Variants in FSTL4 observed in about 807,000 individuals in gnomAD.
The protein encoded by FSTL4 is follistatin like 4, also known as follistatin-related protein 4.
Under a neutral mutation model 78.2 loss-of-function variants are expected in FSTL4, and 28 were observed. The ratio of observed to expected loss-of-function variants is 0.36; its 90% CI spans 0.27 to 0.49. The LOEUF (loss-of-function observed/expected upper bound fraction) is 0.49. Among genes scored for constraint, FSTL4 ranks in the 20% least tolerant of loss-of-function variants. The probability of loss-of-function intolerance (pLI) is 0.98; values close to 1 mark genes in which losing one functional copy is unlikely to be tolerated. For missense variants in FSTL4, 922 were observed against 1,084.9 expected (o/e 0.85, Z 2.11); for synonymous variants, 422 against 440.5 (o/e 0.96, Z 0.53).
intron 3 of FSTL4, among the ~76,000 whole-genome samples, chr5:133,410,962 G>C (rs1206533038): frequency 6.6e-6 from 1 of 152,194 alleles, no homozygotes; most frequent in Non-Finnish European, 1.5e-5. Context: ...CAGTGGCTGA[G>C]GCCTCTGACA....
chr5:133,563,607 T>G (rs1252358420), intron 3 of FSTL4, among the ~76,000 whole-genome samples: 1 of 152,240 alleles, frequency 6.6e-6, no homozygotes, highest in African/African-American at 2.4e-5. Flanking sequence ...GTTCTGTACA[T>G]GCACAGCCCA....
chr5:133,507,002 G>C (rs1758623992), intron 3 of FSTL4, among the ~76,000 whole-genome samples: 1 of 152,186 alleles, frequency 6.6e-6, no homozygotes, highest in African/African-American at 2.4e-5. Flanking sequence ...GAGGTCAGGA[G>C]TTCCAGACCA....
At chr5:133,330,508 A>AG (rs1223447185) in intron 4 of FSTL4, among the ~76,000 whole-genome samples, 1 of 152,200 alleles carries the variant, frequency 6.6e-6, no homozygotes, top group Non-Finnish European at 1.5e-5. Context: ...GACAGCCGTG[A>AG]GGGGATGGTG....
chr5:133,638,073 C>G, the FSTL4 span, among the ~76,000 whole-genome samples: 43 of 152,278 alleles, frequency 2.8e-4, no homozygotes, highest in African/African-American at 1.0e-3. Context: ...GCAGCTCCAT[C>G]CCTTCAGTTA....
At chr5:133,420,167 T>C (rs567023864) in intron 3 of FSTL4, among the ~76,000 whole-genome samples, 11 of 152,192 alleles carry the variant, frequency 7.2e-5, no homozygotes, top group Non-Finnish European at 1.5e-4. Context: ...TTCCTTACTG[T>C]ATGGTTCCAC....
At chr5:133,834,384 A>G in the FSTL4 span, among the ~76,000 whole-genome samples, 1 of 152,260 alleles carries the variant, frequency 6.6e-6, no homozygotes, top group Non-Finnish European at 1.5e-5. Flanking sequence ...AATGACAAAA[A>G]AAATTAGAAA....
chr5:133,384,011 T>C (rs1001035196), intron 4 of FSTL4, among the ~76,000 whole-genome samples: 1 of 152,224 alleles, frequency 6.6e-6, no homozygotes, highest in African/African-American at 2.4e-5. Context: ...AAATGGATAT[T>C]GTTTAAATTA....
chr5:133,353,202 C>A (rs939527711), intron 4 of FSTL4, among the ~76,000 whole-genome samples: 1 of 152,242 alleles, frequency 6.6e-6, no homozygotes, highest in Non-Finnish European at 1.5e-5. Context: ...TGCTCCTCCA[C>A]CCCTTCAATA....
At chr5:133,774,656 A>G in the FSTL4 span, among the ~76,000 whole-genome samples, 1 of 152,164 alleles carries the variant, frequency 6.6e-6, no homozygotes, top group Non-Finnish European at 1.5e-5. Context: ...AATAAAAGCC[A>G]TTTGCTTTCA....
intron 13 of FSTL4, 131 bp from the exon 14 acceptor site, chr5:133,210,429 C>T (rs946715127): frequency 8.5e-6 from 4 of 473,166 alleles, no homozygotes; most frequent in Non-Finnish European, 7.7e-6. Context: ...CATTTGGGAA[C>T]CCAGGGCAGA....
the FSTL4 span, among the ~76,000 whole-genome samples, chr5:133,675,608 AG>A: frequency 9.8e-3 from 1,490 of 152,366 alleles, 53 homozygotes; most frequent in Admixed American, 0.078. Context: ...CCCTGGCAGC[AG>A]GCAGGACAGT....
chr5:133,592,328 G>A (rs73788168), intron 2 of FSTL4, among the ~76,000 whole-genome samples: 2,969 of 152,220 alleles, frequency 0.02, 104 homozygotes, highest in African/African-American at 0.068. Context: ...ATAATCCCAC[G>A]GTGAGATATC....
chr5:133,402,966 T>A (rs1471788506), intron 3 of FSTL4, among the ~76,000 whole-genome samples: 1 of 152,196 alleles, frequency 6.6e-6, no homozygotes, highest in Non-Finnish European at 1.5e-5. Flanking sequence ...GGCAGGCGCC[T>A]GGCAGGGAGG....
rs1389992629 is a variant in FSTL4, at chr5:133,611,459, G to T, written c.-11+866C>A. ...AGGCGACAGGCGCCGAAAGCAGAGTGCTGTGCCTGCCTCGTCCAGGTCCCT... is the reference window on the plus strand; with the variant it reads ...AGGCGACAGGCGCCGAAAGCAGAGTTCTGTGCCTGCCTCGTCCAGGTCCCT... On this transcript the variant is annotated intron_variant, in intron 1 of 15. Coordinates refer to ENST00000265342, the MANE Select transcript of FSTL4 (RefSeq NM_015082.2). This position sits in a 1 kb window ranked among gnomAD's most constrained non-coding sequence, Gnocchi z 4.9. 6.6e-6 allele frequency among the ~76,000 whole-genome samples: 1 copy of T among 152,220 alleles called. No individual in the cohort carries two copies. Among genetic ancestry groups the T allele is most frequent in the Non-Finnish European group, 1.5e-5 (1 of 68,034 alleles).
the FSTL4 span, among the ~76,000 whole-genome samples, chr5:133,639,309 G>A: frequency 4.0e-5 from 6 of 151,192 alleles, no homozygotes; most frequent in African/African-American, 9.7e-5. Flanking sequence ...TCCTCAATAC[G>A]TAGACTCATA....
intron 3 of FSTL4, 87 bp downstream of exon 3, chr5:133,567,099 A>G: frequency 1.1e-6 from 1 of 938,320 alleles, no homozygotes; most frequent in Non-Finnish European, 1.8e-6. Flanking sequence ...TGAGCTGCCC[A>G]CAGTCTGAAG....
At chr5:133,343,916 G>A (rs961916095) in intron 4 of FSTL4, among the ~76,000 whole-genome samples, 1 of 152,166 alleles carries the variant, frequency 6.6e-6, no homozygotes, top group Non-Finnish European at 1.5e-5. Context: ...ATTGATCAAC[G>A]CTGAACTGCT....
chr5:133,375,259 G>GA lies in FSTL4; in HGVS notation c.409+25478dup, dbSNP rs573708522. Among the ~76,000 whole-genome samples, 103 of 102,594 alleles carry GA rather than the reference G, an allele frequency of 1.0e-3. 1 individual carries two copies. The highest frequency in any genetic ancestry group is 3.1e-3 in the African/African-American group (96 of 31,386). The allele number at this position is 102,594 out of a possible 152,430, so 67.3% of individuals were successfully genotyped here. A position where few individuals can be genotyped will look rare whatever the true frequency, so the allele number is the denominator to read the frequency against. On this transcript the variant is annotated intron_variant, in intron 4 of 15. Transcript: ENST00000265342. The stretch of plus-strand genomic sequence containing the variant: ...AGATCCATTTATAAAGAGCTATTTT[G>GA]AAAAAAAACCCAAAACATAGGGTGT...
chr5:133,555,967 T>G (rs2112932973), intron 3 of FSTL4, among the ~76,000 whole-genome samples: 1 of 152,044 alleles, frequency 6.6e-6, no homozygotes, highest in South Asian at 2.1e-4. Context: ...GACCCGTGGG[T>G]TTTTTACAGG....
Sources: allele counts gnomAD v4.1 joint callset (sites outside exome capture counted in the v4.1 genomes callset), GRCh38; gene constraint gnomAD v4.1.1; non-coding constraint Gnocchi (gnomAD v3.1); transcripts MANE v1.5; gene names NCBI Gene and HGNC (gene_info 2026-07-23, HGNC 2026-07-21).